Variants in TNNT3 observed in about 807,000 individuals in gnomAD.
TNNT3 encodes troponin T3, fast skeletal type.
A neutral mutation model predicts 54.2 loss-of-function variants in TNNT3; 36 were observed. The observed-to-expected ratio is 0.66, with a 90% CI of 0.51 to 0.88. The LOEUF (loss-of-function observed/expected upper bound fraction) is 0.88. Among genes scored for constraint, TNNT3 ranks in the 40% least tolerant of loss-of-function variants. The pLI is 0.00. For missense variants in TNNT3, 291 were observed against 331.6 expected, an observed-to-expected ratio of 0.88 and a Z score of 0.95; for synonymous variants, 120 against 109.7, an observed-to-expected ratio of 1.09 and a Z score of -0.59.
At chr11:1,920,827 C>T in intron 1 of TNNT3, among the ~76,000 whole-genome samples, 1 of 152,190 alleles carries the variant, frequency 6.6e-6, no homozygotes, top group Admixed American at 6.5e-5. Flanking sequence ...CACCCCTGCC[C>T]CCAGCACACC....
chr11:1,921,976 G>A (rs1348259132), intron 1 of TNNT3, among the ~76,000 whole-genome samples: 2 of 152,212 alleles, frequency 1.3e-5, no homozygotes, highest in Non-Finnish European at 2.9e-5. Context: ...CCTGGGCATG[G>A]AGCTTCCCCT....
intron 9 of TNNT3, among the ~76,000 whole-genome samples, chr11:1,932,916 C>T (rs1021562876): frequency 6.6e-6 from 1 of 150,414 alleles, no homozygotes; most frequent in Non-Finnish European, 1.5e-5. Flanking sequence ...ATCCACTCAC[C>T]CATTCATCCA....
intron 6 of TNNT3, among the ~76,000 whole-genome samples, chr11:1,928,804 G>A (rs1852363892): frequency 2.0e-5 from 3 of 150,818 alleles, no homozygotes. Context: ...GGACAGACCG[G>A]GGGGACAGAT....
In TNNT3 at chr11:1,936,883, G is replaced by T. The variant is rs564971143; in HGVS notation, c.682-80G>T. 7.6e-5 allele frequency: 110 copies of T among 1,448,992 alleles called. No individual in the cohort carries two copies. In the South Asian group the frequency reaches 1.2e-3, roughly 16 times the overall value. The allele number at this position is 1,448,992 out of a possible 1,614,324, so 89.8% of individuals were successfully genotyped here. ...TGGGTCGCGCAGCCCAGCCCACCCT[G>T]CGGTGGAGACAGGCCTTCACCCAGT... On this transcript the variant is annotated intron_variant, in intron 14 of 15. Coordinates refer to ENST00000278317, the MANE Select transcript of TNNT3 (RefSeq NM_006757.4).
chr11:1,930,832 T>C (rs1853164811), intron 8 of TNNT3, among the ~76,000 whole-genome samples: 1 of 152,230 alleles, frequency 6.6e-6, no homozygotes, highest in African/African-American at 2.4e-5. Context: ...AAAAATTGTT[T>C]GTGTTTTCAT....
intron 6 of TNNT3, chr11:1,928,852 A>G: frequency 1.9e-6 from 1 of 529,540 alleles, no homozygotes; most frequent in Non-Finnish European, 3.4e-6. Context: ...TTGCCCCGCG[A>G]GGTCCCCGTG....
At chr11:1,936,545 G>A (rs1478155642) in intron 14 of TNNT3, among the ~76,000 whole-genome samples, 3 of 152,212 alleles carry the variant, frequency 2.0e-5, no homozygotes, top group Non-Finnish European at 4.4e-5. Flanking sequence ...GGCTGGCCCA[G>A]GAGCAGCAGG....
At chr11:1,933,880 C>T in intron 10 of TNNT3, 43 bp downstream of exon 10, 2 of 1,612,324 alleles carry the variant, frequency 1.2e-6, no homozygotes, top group Non-Finnish European at 1.7e-6. Flanking sequence ...TGGTGGACTC[C>T]CTCGGAGGAG....
At chr11:1,924,790 C>T (rs1402805580) in intron 4 of TNNT3, 1 of 576,180 alleles carries the variant, frequency 1.7e-6, no homozygotes, top group Non-Finnish European at 3.1e-6. Flanking sequence ...CCCCCGTGCA[C>T]AGGCGCCTCC....
chr11:1,932,547 C>T (rs199614140), intron 9 of TNNT3, 33 bp downstream of exon 9: 15 of 1,610,058 alleles, frequency 9.3e-6, no homozygotes, highest in East Asian at 4.5e-5. Context: ...AACATGTCCA[C>T]GGTTTCCCCA....
At position 1,933,833 on chromosome 11, in the gene TNNT3, G is replaced by A; in HGVS notation, c.284G>A (p.Arg95Lys). 1.9e-6 allele frequency: 3 copies of A among 1,612,682 alleles called. No homozygotes were observed. The highest frequency in any genetic ancestry group is 2.5e-6 in the Non-Finnish European group (3 of 1,179,844). ...GAGGAGCTGGTCGCTCTCAAAGAGA[G>A]AATCGTGAGTGGGGCAGTTCAGGTT... ...EEEELVALKE[R>K]IEKRRAERAE... Residue 95 changes from arginine (R) to lysine (K), a missense_variant, in exon 10 of 16, where the codon AGA (arginine) becomes AAA (lysine). Arg to Lys is a conservative substitution (Grantham distance 26, BLOSUM62 2). Transcript: ENST00000278317.
chr11:1,937,150 T>C, intron 15 of TNNT3, 147 bp downstream of exon 15: 1 of 858,766 alleles, frequency 1.2e-6, no homozygotes, highest in East Asian at 2.7e-5. Flanking sequence ...CAGGCCAGCA[T>C]GCGCAGGCCT....
At chr11:1,921,591 C>A (rs1449697174) in intron 1 of TNNT3, 1 of 152,206 alleles carries the variant, frequency 6.6e-6, no homozygotes, top group Admixed American at 6.5e-5. Context: ...AAAGCTACCC[C>A]CGTTGCCTGG....
At position 1,938,474 on chromosome 11, in the gene TNNT3, C is replaced by T. The variant is rs140388684; in HGVS notation, c.759C>T (p.Val253=). The T allele has an allele frequency of 1.1e-3, 1,765 of 1,613,348 alleles. 5 individuals are homozygous for T. Among genetic ancestry groups the T allele is most frequent in the Non-Finnish European group, 1.2e-3 (1,379 of 1,179,924 alleles). Residue 253 remains valine (V), a synonymous_variant, in exon 16 of 16, where the codon GTC becomes GTT. Coordinates refer to ENST00000278317, the MANE Select transcript of TNNT3 (RefSeq NM_006757.4). The part of the protein sequence containing the change: ...KKAGTPAKGK[V]GGRWK ...CTGGGACCCCAGCCAAGGGCAAAGT[C>T]GGCGGGCGCTGGAAGTAGAGAGGCC...
chr11:1,929,738 C>T, intron 7 of TNNT3, 72 bp from the exon 8 acceptor site: 1 of 1,529,710 alleles, frequency 6.5e-7, no homozygotes, highest in Non-Finnish European at 8.9e-7. Context: ...GCCGCCCAGT[C>T]TCACCCAGGC....
chr11:1,927,569 G>A (rs754720280), intron 6 of TNNT3, among the ~76,000 whole-genome samples: 5 of 152,194 alleles, frequency 3.3e-5, no homozygotes, highest in Admixed American at 6.5e-5. Flanking sequence ...GCAGGGAGGT[G>A]TCCAGGAGAT....
chr11:1,928,957 G>C (rs1589941005), intron 6 of TNNT3, 163 bp from the exon 7 acceptor site: 1 of 762,546 alleles, frequency 1.3e-6, no homozygotes, highest in Non-Finnish European at 2.3e-6. Flanking sequence ...ACCGGCCCCA[G>C]CTTGGGGCAC....
chr11:1,935,030 G>C, intron 14 of TNNT3, 111 bp downstream of exon 14: 1 of 1,077,982 alleles, frequency 9.3e-7, no homozygotes, highest in East Asian at 2.4e-5. Flanking sequence ...CCAGGGACCT[G>C]GACCCTGAGA....
At position 1,926,822 on chromosome 11, in the gene TNNT3, C is replaced by T. The variant is rs547812457; in HGVS notation, c.82+113C>T. 1.4e-4 allele frequency: 199 copies of T among 1,410,900 alleles called. 1 individual carries two copies. The highest frequency in any genetic ancestry group is 8.6e-4 in the South Asian group (75 of 86,838). 87.4% of individuals were successfully genotyped at this position (1,410,900 alleles called of 1,614,324 possible). On this transcript the variant is annotated intron_variant, in intron 6 of 15. Transcript: ENST00000278317. ...GACGTTTGCCACCAACAACTGAACC[C>T]GTTCTGGCCTCTGGGCTGGGGACAG... is the stretch of plus-strand genomic sequence containing the variant.
Sources: gnomAD v4.1 joint callset for allele counts (sites outside exome capture counted in the v4.1 genomes callset) on GRCh38, gnomAD v4.1.1 for gene constraint, MANE v1.5 for transcripts, NCBI Gene and HGNC (gene_info 2026-07-23, HGNC 2026-07-21) for gene names.